The following ARHGAP18 variants were observed in gnomAD, a reference collection of about 807,000 sequenced individuals.
The protein encoded by ARHGAP18 is Rho GTPase activating protein 18, also known as rho GTPase-activating protein 18.
Under a neutral mutation model 86.2 loss-of-function variants are expected in ARHGAP18, and 67 were observed. The observed-to-expected ratio is 0.78, with a 90% CI of 0.64 to 0.95. The LOEUF is 0.95. Ranked by LOEUF, ARHGAP18 falls within the 40% of genes least tolerant of loss-of-function variation. The pLI, the probability that ARHGAP18 is intolerant of heterozygous loss-of-function variation, is 0.00. For synonymous variants in ARHGAP18, 283 were observed against 280.4 expected (o/e 1.01, Z -0.09); for missense variants, 691 against 780.4 (o/e 0.89, Z 1.37).
intron 1 of ARHGAP18, among the ~76,000 whole-genome samples, chr6:129,644,068 C>G (rs1773526535): frequency 6.6e-6 from 1 of 152,200 alleles, no homozygotes; most frequent in African/African-American, 2.4e-5. Flanking sequence ...TCACTATACT[C>G]TCTCCCCAGT....
chr6:129,627,540 C>T (rs943708148), intron 5 of ARHGAP18, among the ~76,000 whole-genome samples: 1 of 151,776 alleles, frequency 6.6e-6, no homozygotes, highest in Non-Finnish European at 1.5e-5. Context: ...TAAACTACAC[C>T]AGGGGAATAG....
At chr6:129,681,516 C>G (rs534086001) in intron 1 of ARHGAP18, among the ~76,000 whole-genome samples, 1 of 152,208 alleles carries the variant, frequency 6.6e-6, no homozygotes, top group African/African-American at 2.4e-5. Context: ...CTCTCCAGAT[C>G]TGAATTAGTA....
intron 1 of ARHGAP18, among the ~76,000 whole-genome samples, chr6:129,654,255 AAC>A (rs1268620004): frequency 6.6e-6 from 1 of 152,146 alleles, no homozygotes; most frequent in Non-Finnish European, 1.5e-5. Context: ...TTAATAAGGA[AAC>A]ACAGTTAATG....
At position 129,578,041 on chromosome 6, in the gene ARHGAP18, T is replaced by G. The variant is rs537362192; in HGVS notation, c.*472A>C. On this transcript the variant is annotated 3_prime_UTR_variant, in exon 15 of 15. Transcript: ENST00000368149. ...TACTGTGAAATTAGGTATGTTTTAA[T>G]GTGCTGTCTTCACAACTTGCCATAC... 6.6e-6 allele frequency: 1 copy of G among 152,342 alleles called. No individual in the cohort carries two copies. The highest frequency in any genetic ancestry group is 6.5e-5 in the Admixed American group (1 of 15,298). The allele number at this position is 152,342 out of a possible 1,614,324, so 9.4% of individuals were successfully genotyped here. A position where few individuals can be genotyped will look rare whatever the true frequency, so the allele number is the denominator to read the frequency against.
Position 129,698,831 on chromosome 6 carries a change from T to G in ARHGAP18, c.113+11193A>C, listed in dbSNP as rs145471333. ...CCTCAGCCTCCCGAGTAGCTGGGAT[T>G]ACAGGCATGCACCACCATGCCAGAC... On this transcript the variant is annotated intron_variant, in intron 1 of 14. Coordinates refer to ENST00000368149, the MANE Select transcript of ARHGAP18 (RefSeq NM_033515.3). Among the ~76,000 whole-genome samples the G allele has an allele frequency of 1.3e-3, 192 of 152,118 alleles. 1 individual carries two copies. Among genetic ancestry groups the G allele is most frequent in the African/African-American group, 4.0e-3 (165 of 41,502 alleles).
intron 10 of ARHGAP18, 79 bp downstream of exon 10, chr6:129,605,798 C>T (rs1465688576): frequency 3.8e-6 from 5 of 1,299,450 alleles, no homozygotes; most frequent in Non-Finnish European, 5.6e-6. Context: ...AGATACACAT[C>T]TTATTGTTTT....
intron 1 of ARHGAP18, among the ~76,000 whole-genome samples, chr6:129,658,666 ATAGG>A (rs1295387979): frequency 4.6e-5 from 7 of 152,240 alleles, no homozygotes. Flanking sequence ...TTTTCTATTT[ATAGG>A]TAACAGTAAC....
At chr6:129,666,379 A>G (rs1424748181) in intron 1 of ARHGAP18, among the ~76,000 whole-genome samples, 1 of 152,224 alleles carries the variant, frequency 6.6e-6, no homozygotes, top group Non-Finnish European at 1.5e-5. Flanking sequence ...CTCCCTCCAT[A>G]TAATGGGGAT....
At chr6:129,630,400 G>C (rs1773174847) in intron 4 of ARHGAP18, among the ~76,000 whole-genome samples, 1 of 152,140 alleles carries the variant, frequency 6.6e-6, no homozygotes. Flanking sequence ...CAAGAACCAA[G>C]ATTACTGATT....
rs116317729 is a variant in ARHGAP18 at position 129,613,790 on chromosome 6, G to T, written c.1045-2180C>A. ...TTTATAGCATTCCTTTTATTATCAG[G>T]ATTAAAATAGAGATGAAAAATAACT... On this transcript the variant is annotated intron_variant, in intron 7 of 14. Transcript: ENST00000368149. 5.2e-3 allele frequency among the ~76,000 whole-genome samples: 788 copies of T among 151,980 alleles called. 7 individuals carry two copies. The highest frequency in any genetic ancestry group is 0.018 in the African/African-American group (731 of 41,468).
At chr6:129,693,533 C>A (rs1261508624) in intron 1 of ARHGAP18, among the ~76,000 whole-genome samples, 1 of 152,194 alleles carries the variant, frequency 6.6e-6, no homozygotes, top group Non-Finnish European at 1.5e-5. Flanking sequence ...CTGTGGCCCC[C>A]ACTACAGCCA....
intron 9 of ARHGAP18, 57 bp downstream of exon 9, chr6:129,607,836 A>G (rs576010440): frequency 1.2e-5 from 18 of 1,471,378 alleles, no homozygotes; most frequent in Middle Eastern, 3.6e-4. Context: ...TGTCATTAAA[A>G]CAATTAACAT....
At chr6:129,611,436 C>T in intron 8 of ARHGAP18, 97 bp downstream of exon 8, 2 of 982,920 alleles carry the variant, frequency 2.0e-6, no homozygotes, top group South Asian at 1.5e-5. Context: ...ACTTTACTAA[C>T]AATGGAAAAA....
At chr6:129,624,561 G>C (rs1584057937) in intron 5 of ARHGAP18, among the ~76,000 whole-genome samples, 1 of 151,910 alleles carries the variant, frequency 6.6e-6, no homozygotes. Context: ...TACTTTTCCT[G>C]AGGATAGTCT....
chr6:129,629,153 G>T (rs1773125124), intron 5 of ARHGAP18, among the ~76,000 whole-genome samples, 200 bp downstream of exon 5: 1 of 152,052 alleles, frequency 6.6e-6, no homozygotes, highest in Non-Finnish European at 1.5e-5. Context: ...GGAGGCTGAG[G>T]TGGGAGGATT....
At position 129,649,663 on chromosome 6, in the gene ARHGAP18, G is replaced by A. The variant is rs560016091; in HGVS notation, c.114-7645C>T. Reference sequence around the variant, plus strand: ...TGTTTTTTGCTACTCACTTTTGACAGTGGGTAGAAAAGAAAAAAAAAAAAT... The same window carrying A: ...TGTTTTTTGCTACTCACTTTTGACAATGGGTAGAAAAGAAAAAAAAAAAAT... On this transcript the variant is annotated intron_variant, in intron 1 of 14. Transcript: ENST00000368149. 2.7e-5 allele frequency among the ~76,000 whole-genome samples: 4 copies of A among 149,348 alleles called. No homozygotes were observed. In the East Asian group the frequency reaches 7.8e-4, roughly 29 times the overall value.
chr6:129,583,702 C>T (rs1788333162), intron 13 of ARHGAP18, among the ~76,000 whole-genome samples: 1 of 152,118 alleles, frequency 6.6e-6, no homozygotes, highest in South Asian at 2.1e-4. Context: ...TGAGTGGTCT[C>T]GCTTGGCAAG....
At chr6:129,625,294 TATATG>T (rs1364331597) in intron 5 of ARHGAP18, among the ~76,000 whole-genome samples, 21 of 80,828 alleles carry the variant, frequency 2.6e-4, no homozygotes, top group African/African-American at 9.9e-4. Context: ...ATATATATGA[TATATG>T]ATATATATTT....
Position 129,607,969 on chromosome 6 carries a change from C to T in ARHGAP18, c.1206G>A (p.Leu402=). Reference sequence around the variant, plus strand: ...GCAACTCCCGAATGAAGAGCTTCAGCAGGCTGGCGGCATCATGCTGTTTGA... The same window carrying T: ...GCAACTCCCGAATGAAGAGCTTCAGTAGGCTGGCGGCATCATGCTGTTTGA... ...ESVKQHDAAS[L]LKLFIRELPQ... The change falls in exon 9 of 15, where the codon CTG becomes CTA. Residue 402 remains leucine, a synonymous_variant. Coordinates refer to ENST00000368149, the MANE Select transcript of ARHGAP18 (RefSeq NM_033515.3). The T allele has an allele frequency of 6.2e-7, 1 of 1,611,404 alleles. No homozygotes were observed. Among genetic ancestry groups the T allele is most frequent in the Non-Finnish European group, 8.5e-7 (1 of 1,179,264 alleles).
Sources: allele counts gnomAD v4.1 joint callset (sites outside exome capture counted in the v4.1 genomes callset), GRCh38; gene constraint gnomAD v4.1.1; transcripts MANE v1.5; gene names NCBI Gene and HGNC (gene_info 2026-07-23, HGNC 2026-07-21).